Variants in INO80D observed in about 807,000 individuals in gnomAD.
INO80D encodes the protein INO80 complex subunit D.
Under a neutral mutation model 87.6 loss-of-function variants are expected in INO80D, and 21 were observed. That is an observed-to-expected ratio of 0.24 (90% CI 0.17 to 0.35). INO80D has a LOEUF of 0.35. INO80D is among the 10% of genes least tolerant of loss of function. The pLI, the probability that INO80D is intolerant of heterozygous loss-of-function variation, is 1.00. For missense variants in INO80D, 982 were observed against 1,280.7 expected, an observed-to-expected ratio of 0.77 and a Z score of 3.56; for synonymous variants, 440 against 491.0, an observed-to-expected ratio of 0.90 and a Z score of 1.37.
chr2:206,057,304 T>C (rs897411890), intron 3 of INO80D, among the ~76,000 whole-genome samples: 1 of 152,162 alleles, frequency 6.6e-6, no homozygotes, highest in Non-Finnish European at 1.5e-5. Flanking sequence ...AAAATTCTCT[T>C]ATGAGAAAAA....
intron 4 of INO80D, among the ~76,000 whole-genome samples, chr2:206,048,040 A>G (rs1689246702): frequency 6.6e-6 from 1 of 151,576 alleles, no homozygotes; most frequent in Non-Finnish European, 1.5e-5. Context: ...TATTTTTAGT[A>G]GAGACGGGGT....
chr2:206,043,075 T>A (rs1448948340), intron 5 of INO80D, among the ~76,000 whole-genome samples: 1 of 152,226 alleles, frequency 6.6e-6, no homozygotes, highest in Non-Finnish European at 1.5e-5. Flanking sequence ...CAACTGTCAG[T>A]TTTCTTTTAA....
rs1687940375 is a variant in INO80D, at chr2:206,003,458, A to G, written c.*910T>C. On this transcript the variant is annotated 3_prime_UTR_variant, in exon 11 of 11. Coordinates refer to ENST00000403263, the MANE Select transcript of INO80D (RefSeq NM_017759.5). ...AAATGTCTGAAAAGACAAAGTGACC[A>G]TCAGGCCCCAGAACCCCGGCAGCCT... The G allele has an allele frequency of 6.6e-6, 1 of 152,232 alleles. No homozygotes were observed. Among genetic ancestry groups the G allele is most frequent in the Non-Finnish European group, 1.5e-5 (1 of 68,042 alleles). 9.4% of individuals were successfully genotyped at this position (152,232 alleles called of 1,614,324 possible). A position where few individuals can be genotyped will look rare whatever the true frequency, so the allele number is the denominator to read the frequency against.
At position 206,009,602 on chromosome 2, in the gene INO80D, G is replaced by A; in HGVS notation, c.1735C>T (p.Leu579=). 6 of 1,613,614 alleles carry A rather than the reference G, an allele frequency of 3.7e-6. No homozygotes were observed. The highest frequency in any genetic ancestry group is 4.2e-6 in the Non-Finnish European group (5 of 1,179,768). The change falls in exon 9 of 11, where the codon CTG becomes TTG. Residue 579 remains leucine, a synonymous_variant. Coordinates refer to ENST00000403263, the MANE Select transcript of INO80D (RefSeq NM_017759.5). ...CGGATGTGAGAGGCCTCCACTGGCA[G>A]TGAGACGCTGGCGGGCATGCTGAGG... is the stretch of plus-strand genomic sequence containing the variant. The part of the protein sequence containing the change: ...GNLSMPASVS[L]PVEASHIRSP...
chr2:206,062,260 A>G lies in INO80D; in HGVS notation c.218+539T>C, dbSNP rs574596512. Among the ~76,000 whole-genome samples, 4 of 152,338 alleles carry G rather than the reference A, an allele frequency of 2.6e-5. No individual in the cohort carries two copies. Among genetic ancestry groups the G allele is most frequent in the Admixed American group, 6.5e-5 (1 of 15,300 alleles). Reference sequence around the variant, plus strand: ...ACACTGGTGAGAAGTCTGATAGGAAATAAATCTAACTGATTCAAGTAGTTT... The same window carrying G: ...ACACTGGTGAGAAGTCTGATAGGAAGTAAATCTAACTGATTCAAGTAGTTT... On this transcript the variant is annotated intron_variant, in intron 3 of 10. Transcript: ENST00000403263. The surrounding 1 kb of genome is among the most constrained non-coding windows in gnomAD (Gnocchi z 4.6).
chr2:206,059,737 C>T (rs1285830900), intron 3 of INO80D, among the ~76,000 whole-genome samples: 3 of 151,044 alleles, frequency 2.0e-5, no homozygotes, highest in East Asian at 1.9e-4. Context: ...AGAGAATCTA[C>T]ACCGTGTGTG....
Position 206,056,728 on chromosome 2 carries a change from G to A in INO80D, c.434C>T (p.Thr145Ile). 1 of 1,613,446 alleles carries A rather than the reference G, an allele frequency of 6.2e-7. No individual in the cohort carries two copies. The highest frequency in any genetic ancestry group is 8.5e-7 in the Non-Finnish European group (1 of 1,179,702). Residue 145 changes from threonine (T) to isoleucine (I), a missense_variant, in exon 4 of 11, where the codon ACC (threonine) becomes ATC (isoleucine). Physicochemically the swap from Thr to Ile is moderately conservative, Grantham distance 89 (BLOSUM62 -1). Coordinates refer to ENST00000403263, the MANE Select transcript of INO80D (RefSeq NM_017759.5). ...GAAAGCAAATGGGTCTTCCAATTCG[G>A]TTTCCAGGTAGTGGAGAGGGACCCT... Reference protein sequence around the residue: ...GARVPLHYLETELEDPFAFNE... With the variant: ...GARVPLHYLEIELEDPFAFNE...
rs1687852405 is a variant in INO80D, at chr2:205,998,711, C to T, written c.*5657G>A. 1 of 152,110 alleles carries T rather than the reference C, an allele frequency of 6.6e-6. No individual in the cohort carries two copies. Among genetic ancestry groups the T allele is most frequent in the African/African-American group, 2.4e-5 (1 of 41,418 alleles). The allele number at this position is 152,110 out of a possible 1,614,324, so 9.4% of individuals were successfully genotyped here. Reference sequence around the variant, plus strand: ...TGTATTCTGAAGCTGAGATGAGAGCCTGGAGGAGAAAGGAAAAAGTCCTAT... The same window carrying T: ...TGTATTCTGAAGCTGAGATGAGAGCTTGGAGGAGAAAGGAAAAAGTCCTAT... On this transcript the variant is annotated 3_prime_UTR_variant, in exon 11 of 11. Transcript: ENST00000403263.
chr2:206,031,555 G>A (rs1688767162), intron 5 of INO80D, among the ~76,000 whole-genome samples: 1 of 152,202 alleles, frequency 6.6e-6, no homozygotes, highest in African/African-American at 2.4e-5. Context: ...CCCACTCTTA[G>A]GACAGCACCG....
chr2:206,047,843 C>T (rs979438041), intron 4 of INO80D, among the ~76,000 whole-genome samples: 9 of 128,262 alleles, frequency 7.0e-5, no homozygotes, highest in African/African-American at 2.1e-4. Flanking sequence ...AATGAGGTTT[C>T]GGATTTCTTT....
intron 5 of INO80D, among the ~76,000 whole-genome samples, chr2:206,046,252 T>C (rs974724633): frequency 2.6e-5 from 4 of 152,054 alleles, no homozygotes; most frequent in African/African-American, 7.2e-5. Context: ...AGAAGGAAAC[T>C]AGGGCCGGGC....
intron 10 of INO80D, among the ~76,000 whole-genome samples, chr2:206,006,734 C>T (rs818022): frequency 0.69 from 103,895 of 151,196 alleles, 36,374 homozygotes; most frequent in South Asian, 0.79. Flanking sequence ...AAAAATAAAG[C>T]AAAAGTATTC....
In INO80D at chr2:206,004,138, C is replaced by T; in HGVS notation, c.*230G>A. 1.7e-6 allele frequency: 1 copy of T among 574,336 alleles called. No homozygotes were observed. The highest frequency in any genetic ancestry group is 1.9e-5 in the African/African-American group (1 of 53,578). The allele number at this position is 574,336 out of a possible 1,614,324, so 35.6% of individuals were successfully genotyped here. ...CACTGTGCTGAACCACTAAGGAAAC[C>T]ACTGGGGCGGAGTGGGCCTGCCAGG... On this transcript the variant is annotated 3_prime_UTR_variant, in exon 11 of 11. Transcript: ENST00000403263. This position sits in a 1 kb window ranked among gnomAD's most constrained non-coding sequence, Gnocchi z 4.9.
At chr2:206,045,729 AT>A (rs1689176394) in intron 5 of INO80D, among the ~76,000 whole-genome samples, 1 of 152,110 alleles carries the variant, frequency 6.6e-6, no homozygotes, top group Non-Finnish European at 1.5e-5. Flanking sequence ...AAAAAAAAAA[AT>A]TGTAGCACAG....
chr2:206,046,403 G>C (rs1689194095), intron 5 of INO80D, 101 bp downstream of exon 5: 2 of 768,870 alleles, frequency 2.6e-6, no homozygotes, highest in Non-Finnish European at 4.4e-6. Context: ...AGTCAGGCTT[G>C]GTGGCAGTAA....
chr2:206,054,733 C>G (rs914829302), intron 4 of INO80D, among the ~76,000 whole-genome samples: 1 of 151,804 alleles, frequency 6.6e-6, no homozygotes, highest in South Asian at 2.1e-4. Context: ...AGGCTAGTCT[C>G]CAATTCCTGA....
chr2:206,025,942 G>A (rs375251119), intron 6 of INO80D, among the ~76,000 whole-genome samples: 1 of 151,894 alleles, frequency 6.6e-6, no homozygotes, highest in African/African-American at 2.4e-5. Context: ...CTGTCGCCCA[G>A]GCTAGAGCAC....
chr2:206,036,817 T>C (rs1359332975), intron 5 of INO80D, among the ~76,000 whole-genome samples: 1 of 152,216 alleles, frequency 6.6e-6, no homozygotes, highest in East Asian at 1.9e-4. Context: ...GCACGTTACA[T>C]GATTATACGA....
chr2:206,005,683 G>A (rs1329931274), intron 10 of INO80D, 150 bp from the exon 11 acceptor site: 2 of 666,684 alleles, frequency 3.0e-6, no homozygotes, highest in Non-Finnish European at 5.0e-6. Context: ...GAGGGAAAAA[G>A]TGAAATAATG....
Sources: allele counts gnomAD v4.1 joint callset (sites outside exome capture counted in the v4.1 genomes callset), GRCh38; gene constraint gnomAD v4.1.1; non-coding constraint Gnocchi (gnomAD v3.1); transcripts MANE v1.5; gene names NCBI Gene and HGNC (gene_info 2026-07-23, HGNC 2026-07-21).